The following BRINP1 variants were observed in gnomAD, a reference collection of about 807,000 sequenced individuals.
BRINP1 encodes BMP/retinoic acid inducible neural specific 1.
In BRINP1, 17 loss-of-function variants were observed where a neutral mutation model predicts 72.9. The ratio of observed to expected loss-of-function variants is 0.23; its 90% confidence interval spans 0.16 to 0.35. The LOEUF (loss-of-function observed/expected upper bound fraction) is 0.35. BRINP1 is among the 10% of genes least tolerant of loss of function. The pLI is 1.00. For synonymous variants in BRINP1, 418 were observed against 378.5 expected (o/e 1.10, Z -1.21); for missense variants, 850 against 1,001.6 (o/e 0.85, Z 2.04).
intron 2 of BRINP1, among the ~76,000 whole-genome samples, chr9:119,303,356 A>C (rs922406743): frequency 6.8e-6 from 1 of 146,226 alleles, no homozygotes; most frequent in African/African-American, 2.6e-5. Flanking sequence ...ATTGCCATGG[A>C]TGTTCTTGGG....
intron 5 of BRINP1, among the ~76,000 whole-genome samples, chr9:119,225,231 C>T (rs987697237): frequency 1.3e-5 from 2 of 151,998 alleles, no homozygotes; most frequent in African/African-American, 4.8e-5. Flanking sequence ...CTGATACATG[C>T]TACAACATAG....
chr9:119,318,700 T>TA (rs1477553068), intron 1 of BRINP1, among the ~76,000 whole-genome samples: 1 of 152,204 alleles, frequency 6.6e-6, no homozygotes, highest in Non-Finnish European at 1.5e-5. Flanking sequence ...ACAGCCCTTC[T>TA]ACATGGCTTC....
chr9:119,285,466 G>A (rs552601661), intron 2 of BRINP1, among the ~76,000 whole-genome samples: 3 of 152,288 alleles, frequency 2.0e-5, no homozygotes, highest in East Asian at 1.9e-4. Context: ...AGATGAGCAC[G>A]CACTGAAGCT....
At chr9:119,339,151 T>C (rs1351337309) in intron 1 of BRINP1, among the ~76,000 whole-genome samples, 1 of 152,182 alleles carries the variant, frequency 6.6e-6, no homozygotes, top group Non-Finnish European at 1.5e-5. Context: ...GTAAATATTT[T>C]AGGCTTTATG....
intron 2 of BRINP1, among the ~76,000 whole-genome samples, chr9:119,310,204 A>G (rs935313296): frequency 3.9e-5 from 6 of 152,164 alleles, no homozygotes; most frequent in African/African-American, 4.8e-5. Context: ...AAATCACACA[A>G]TCAGGAGACA....
intron 2 of BRINP1, among the ~76,000 whole-genome samples, chr9:119,298,458 A>C (rs1830904055): frequency 6.6e-6 from 1 of 152,178 alleles, no homozygotes; most frequent in South Asian, 2.1e-4. Flanking sequence ...ATTCTTTTAC[A>C]GATTGAGATT....
At chr9:119,179,591 T>C (rs576221241) in intron 7 of BRINP1, among the ~76,000 whole-genome samples, 1 of 152,296 alleles carries the variant, frequency 6.6e-6, no homozygotes, top group Admixed American at 6.5e-5. Context: ...AAGTGTTTTC[T>C]ACATCATGGC....
chr9:119,285,958 C>A (rs1830756943), intron 2 of BRINP1, among the ~76,000 whole-genome samples: 1 of 152,148 alleles, frequency 6.6e-6, no homozygotes, highest in Non-Finnish European at 1.5e-5. Flanking sequence ...CATCCCCGGG[C>A]AAACAGCTGT....
intron 2 of BRINP1, among the ~76,000 whole-genome samples, chr9:119,295,232 G>A (rs886692475): frequency 3.3e-4 from 50 of 151,654 alleles, no homozygotes; most frequent in Admixed American, 2.8e-3. Context: ...TGGTAGAGGC[G>A]GGGTTTCATT....
intron 7 of BRINP1, among the ~76,000 whole-genome samples, chr9:119,207,071 G>A (rs1054651999): frequency 6.6e-6 from 1 of 152,160 alleles, no homozygotes; most frequent in African/African-American, 2.4e-5. Flanking sequence ...GGTTTCATAA[G>A]GGGGGAAAGA....
intron 2 of BRINP1, among the ~76,000 whole-genome samples, chr9:119,250,155 AG>A (rs1423688091): frequency 6.8e-6 from 1 of 147,796 alleles, no homozygotes; most frequent in African/African-American, 2.5e-5. Context: ...GGAGGGAGGG[AG>A]GGTGAGAAGG....
chr9:119,261,862 G>C (rs778466045), intron 2 of BRINP1, among the ~76,000 whole-genome samples: 3 of 125,592 alleles, frequency 2.4e-5, no homozygotes, highest in Non-Finnish European at 4.8e-5. Flanking sequence ...TCTTTTCCTC[G>C]CCTCTCTTTC....
At chr9:119,191,199 A>C (rs1032638578) in intron 7 of BRINP1, among the ~76,000 whole-genome samples, 7 of 152,008 alleles carry the variant, frequency 4.6e-5, no homozygotes, top group African/African-American at 7.2e-5. Flanking sequence ...AAACAACTGA[A>C]AGCTTTTCCA....
chr9:119,199,441 C>T (rs918671842), intron 7 of BRINP1, among the ~76,000 whole-genome samples: 6 of 152,160 alleles, frequency 3.9e-5, no homozygotes, highest in Admixed American at 6.5e-5. Flanking sequence ...TCAGAAGCTA[C>T]GGCCCCAGCA....
intron 1 of BRINP1, among the ~76,000 whole-genome samples, chr9:119,337,238 C>T (rs1831355928): frequency 6.6e-6 from 1 of 152,168 alleles, no homozygotes; most frequent in South Asian, 2.1e-4. Context: ...AATGCAAACT[C>T]AAAAACCCAC....
chr9:119,326,912 G>A (rs1405271619), intron 1 of BRINP1, among the ~76,000 whole-genome samples: 1 of 152,200 alleles, frequency 6.6e-6, no homozygotes, highest in Admixed American at 6.5e-5. Context: ...TTAGAAGACA[G>A]AGAGACATTT....
At chr9:119,231,680 G>GT (rs1469266375) in intron 5 of BRINP1, among the ~76,000 whole-genome samples, 1 of 152,008 alleles carries the variant, frequency 6.6e-6, no homozygotes, top group Admixed American at 6.6e-5. Context: ...ACTATTAGCA[G>GT]TATTTGACGC....
At chr9:119,189,398 G>A (rs1474392138) in intron 7 of BRINP1, among the ~76,000 whole-genome samples, 1 of 152,046 alleles carries the variant, frequency 6.6e-6, no homozygotes, top group Non-Finnish European at 1.5e-5. Flanking sequence ...CAAAAGAAAA[G>A]ACTCAACTAT....
intron 1 of BRINP1, among the ~76,000 whole-genome samples, chr9:119,334,217 C>T (rs990660510): frequency 6.6e-5 from 10 of 152,206 alleles, no homozygotes; most frequent in African/African-American, 2.2e-4. Flanking sequence ...ATAAACACAA[C>T]TTTGAACTAA....
Sources: gnomAD v4.1 joint callset for allele counts (sites outside exome capture counted in the v4.1 genomes callset) on GRCh38, gnomAD v4.1.1 for gene constraint, MANE v1.5 for transcripts, NCBI Gene and HGNC (gene_info 2026-07-23, HGNC 2026-07-21) for gene names.